The following MAN1A2 variants were observed in gnomAD, a reference collection of about 807,000 sequenced individuals.
The protein encoded by MAN1A2 is mannosidase alpha class 1A member 2.
A neutral mutation model predicts 75.7 loss-of-function variants in MAN1A2; 26 were observed. The observed-to-expected ratio is 0.34, with a 90% CI of 0.25 to 0.48. The LOEUF (loss-of-function observed/expected upper bound fraction) is 0.48. Among genes scored for constraint, MAN1A2 ranks in the 20% least tolerant of loss-of-function variants. MAN1A2 has a pLI of 0.99. For missense variants in MAN1A2, 562 were observed against 775.5 expected (o/e 0.72, Z 3.27); for synonymous variants, 247 against 264.6 (o/e 0.93, Z 0.65).
intron 8 of MAN1A2, among the ~76,000 whole-genome samples, chr1:117,484,790 A>G (rs1201900548): frequency 2.0e-5 from 3 of 151,942 alleles, no homozygotes; most frequent in East Asian, 1.9e-4. Context: ...TTAACTTTTT[A>G]TAATAGATTT....
intron 4 of MAN1A2, among the ~76,000 whole-genome samples, chr1:117,417,141 C>G (rs546273298): frequency 6.6e-6 from 1 of 152,018 alleles, no homozygotes; most frequent in Non-Finnish European, 1.5e-5. Context: ...TCCCATATAC[C>G]AAAGTAGAGT....
At chr1:117,464,777 T>G (rs1649933319) in intron 7 of MAN1A2, among the ~76,000 whole-genome samples, 1 of 152,152 alleles carries the variant, frequency 6.6e-6, no homozygotes, top group Non-Finnish European at 1.5e-5. Flanking sequence ...GTGCTGCATT[T>G]CCAATCTCAA....
intron 1 of MAN1A2, among the ~76,000 whole-genome samples, chr1:117,381,864 T>G (rs1653352932): frequency 6.6e-6 from 1 of 151,972 alleles, no homozygotes; most frequent in Non-Finnish European, 1.5e-5. Context: ...CCTGACTTTT[T>G]AATGATTGCC....
At chr1:117,476,412 T>G (rs1316092749) in intron 8 of MAN1A2, among the ~76,000 whole-genome samples, 1 of 152,168 alleles carries the variant, frequency 6.6e-6, no homozygotes, top group Non-Finnish European at 1.5e-5. Flanking sequence ...TTTTTGTGTT[T>G]TAGTCATGAA....
At chr1:117,426,312 G>T (rs1025522056) in intron 5 of MAN1A2, among the ~76,000 whole-genome samples, 7 of 151,876 alleles carry the variant, frequency 4.6e-5, no homozygotes, top group Admixed American at 3.3e-4. Context: ...TATGTGTTGG[G>T]CTGCAGGGGT....
chr1:117,379,983 T>G (rs1653277400), intron 1 of MAN1A2, among the ~76,000 whole-genome samples: 1 of 152,176 alleles, frequency 6.6e-6, no homozygotes, highest in Non-Finnish European at 1.5e-5. Flanking sequence ...GTACCTGTTT[T>G]CAGTTCTCTT....
chr1:117,431,286 A>G (rs1463391781), intron 5 of MAN1A2, among the ~76,000 whole-genome samples: 1 of 151,352 alleles, frequency 6.6e-6, no homozygotes, highest in Non-Finnish European at 1.5e-5. Context: ...ACATAATCAC[A>G]ACATTAAAAC....
At chr1:117,477,967 C>G (rs1453212331) in intron 8 of MAN1A2, among the ~76,000 whole-genome samples, 1 of 152,064 alleles carries the variant, frequency 6.6e-6, no homozygotes, top group Non-Finnish European at 1.5e-5. Flanking sequence ...GCAAAAATCA[C>G]AAGCATTTCT....
chr1:117,417,534 A>ATATATATATATATATATATATAT (rs1648033932), intron 4 of MAN1A2, among the ~76,000 whole-genome samples: 6 of 89,216 alleles, frequency 6.7e-5, no homozygotes, highest in Non-Finnish European at 1.1e-4. Flanking sequence ...CTTGAGTTTA[A>ATATATATATATATATATATATAT]ATATATATAT....
At chr1:117,458,820 G>A (rs546834180) in intron 6 of MAN1A2, among the ~76,000 whole-genome samples, 1 of 151,950 alleles carries the variant, frequency 6.6e-6, no homozygotes, top group South Asian at 2.1e-4. Flanking sequence ...CACCGCGCCT[G>A]GCAAAAATAT....
intron 8 of MAN1A2, among the ~76,000 whole-genome samples, chr1:117,481,546 G>A (rs956566501): frequency 1.3e-5 from 2 of 151,896 alleles, no homozygotes; most frequent in African/African-American, 4.8e-5. Flanking sequence ...GAATCAACAG[G>A]TTGCCTGAGT....
chr1:117,397,159 A>G (rs1428604854), intron 1 of MAN1A2, among the ~76,000 whole-genome samples: 1 of 152,158 alleles, frequency 6.6e-6, no homozygotes, highest in East Asian at 1.9e-4. Flanking sequence ...TCTAGTTGAT[A>G]TTGGTTCTTC....
chr1:117,512,028 G>A (rs1447429428), intron 12 of MAN1A2, among the ~76,000 whole-genome samples: 3 of 152,020 alleles, frequency 2.0e-5, no homozygotes, highest in Non-Finnish European at 1.5e-5. Flanking sequence ...AATTTTATAA[G>A]ATCTTGTATA....
intron 1 of MAN1A2, among the ~76,000 whole-genome samples, chr1:117,394,373 C>T (rs529276390): frequency 3.4e-4 from 52 of 152,138 alleles, no homozygotes; most frequent in Non-Finnish European, 6.6e-4. Context: ...TGAGCCACTG[C>T]GCCTGGCCTT....
intron 12 of MAN1A2, among the ~76,000 whole-genome samples, chr1:117,517,719 C>T (rs998585962): frequency 6.6e-6 from 1 of 151,664 alleles, no homozygotes; most frequent in African/African-American, 2.4e-5. Flanking sequence ...GGTGGACCCC[C>T]AAAAAAACCC....
At chr1:117,454,219 G>T (rs1288236305) in intron 6 of MAN1A2, among the ~76,000 whole-genome samples, 2 of 152,112 alleles carry the variant, frequency 1.3e-5, no homozygotes, top group Non-Finnish European at 2.9e-5. Flanking sequence ...ATATCTCTGA[G>T]ATATGCCTGT....
Position 117,496,753 on chromosome 1 carries a change from T to A in MAN1A2, c.1285-10T>A. ...CATCTAAAATTTTGAATATCTTTTC[T>A]TTCCTGTAGGCTATAGAAAAACATC... On this transcript the variant is annotated splice_polypyrimidine_tract_variant and intron_variant, in intron 9 of 12. Transcript: ENST00000356554. 6.3e-7 allele frequency: 1 copy of A among 1,591,310 alleles called. No individual in the cohort carries two copies. Among genetic ancestry groups the A allele is most frequent in the Non-Finnish European group, 8.6e-7 (1 of 1,162,680 alleles).
chr1:117,379,494 A>G (rs1441850729), intron 1 of MAN1A2, among the ~76,000 whole-genome samples: 1 of 152,158 alleles, frequency 6.6e-6, no homozygotes, highest in Non-Finnish European at 1.5e-5. Flanking sequence ...TTCATTTAAC[A>G]TAGAATTAAT....
chr1:117,474,863 C>T (rs567784663), intron 8 of MAN1A2, among the ~76,000 whole-genome samples: 1 of 151,928 alleles, frequency 6.6e-6, no homozygotes, highest in Admixed American at 6.6e-5. Flanking sequence ...CCTCCCTTCC[C>T]CCTCCCCCAA....
Sources: allele counts gnomAD v4.1 joint callset (sites outside exome capture counted in the v4.1 genomes callset), GRCh38; gene constraint gnomAD v4.1.1; transcripts MANE v1.5; gene names NCBI Gene and HGNC (gene_info 2026-07-23, HGNC 2026-07-21).